Variants in SGCD observed in about 807,000 individuals in gnomAD.
SGCD encodes sarcoglycan delta.
SGCD carries 18 observed loss-of-function variants against 36.6 expected under a neutral mutation model. The ratio of observed to expected loss-of-function variants is 0.49; its 90% confidence interval spans 0.34 to 0.73. SGCD has a LOEUF of 0.73. Among genes scored for constraint, SGCD ranks in the 30% least tolerant of loss-of-function variants. The probability of loss-of-function intolerance (pLI) is 0.01; values close to 1 mark genes in which losing one functional copy is unlikely to be tolerated. For missense variants in SGCD, 387 were observed against 346.7 expected (o/e 1.12, Z -0.92); for synonymous variants, 133 against 130.6 (o/e 1.02, Z -0.12).
rs1368318086 is a variant in SGCD at position 156,664,362 on chromosome 5, G to A, written c.575+16826G>A. On this transcript the variant is annotated intron_variant, in intron 7 of 8. Transcript: ENST00000337851. ...CCATCAACTCCACTATGACCTTACC[G>A]GCTTTTTCATCGGCAATTGACTTTT... Among the ~76,000 whole-genome samples the A allele has an allele frequency of 1.3e-4, 20 of 149,390 alleles. No homozygotes were observed. The East Asian group carries it at 2.7e-3, about 20-fold the overall frequency.
At chr5:156,330,662 G>A (rs4704791) in intron 2 of SGCD, among the ~76,000 whole-genome samples, 122,718 of 152,158 alleles carry the variant, frequency 0.81, 50,080 homozygotes, top group African/African-American at 0.93. Flanking sequence ...GGCTCCTTGA[G>A]CTCAACTTAG....
intron 3 of SGCD, among the ~76,000 whole-genome samples, chr5:156,262,305 G>T (rs780616509): frequency 6.6e-6 from 1 of 151,982 alleles, no homozygotes; most frequent in Non-Finnish European, 1.5e-5. Flanking sequence ...ATATGTTTAG[G>T]TACATAAATT....
At chr5:155,741,896 G>C in the SGCD span, among the ~76,000 whole-genome samples, 1 of 151,976 alleles carries the variant, frequency 6.6e-6, no homozygotes, top group South Asian at 2.1e-4. Context: ...TGTTGCCCAG[G>C]CTGGTGTCGA....
At chr5:156,580,082 T>C (rs1760181887) in intron 4 of SGCD, among the ~76,000 whole-genome samples, 1 of 152,236 alleles carries the variant, frequency 6.6e-6, no homozygotes, top group African/African-American at 2.4e-5. Flanking sequence ...TAGTGCTTCC[T>C]TCAGGAGCTC....
intron 3 of SGCD, among the ~76,000 whole-genome samples, chr5:156,421,865 G>A (rs1320299443): frequency 1.3e-5 from 2 of 151,998 alleles, no homozygotes; most frequent in Non-Finnish European, 1.5e-5. Context: ...AGCCTTTACC[G>A]GGCATGGCAT....
At chr5:155,979,985 A>G (rs1758194350) in intron 1 of SGCD, among the ~76,000 whole-genome samples, 1 of 152,114 alleles carries the variant, frequency 6.6e-6, no homozygotes, top group Non-Finnish European at 1.5e-5. Context: ...TTCCACCTTC[A>G]TGACCTAATC....
intron 3 of SGCD, among the ~76,000 whole-genome samples, chr5:156,306,955 C>A (rs1232757247): frequency 6.6e-6 from 1 of 150,418 alleles, no homozygotes; most frequent in Non-Finnish European, 1.5e-5. Context: ...TTTGTGAATT[C>A]TTTTGAATTA....
chr5:156,479,870 T>C (rs1755347248), intron 3 of SGCD, among the ~76,000 whole-genome samples: 1 of 152,200 alleles, frequency 6.6e-6, no homozygotes, highest in Non-Finnish European at 1.5e-5. Flanking sequence ...CTCTTGGTTC[T>C]TCCAACACTT....
At chr5:156,328,980 G>C (rs1023391751) in intron 1 of SGCD, among the ~76,000 whole-genome samples, 1 of 152,158 alleles carries the variant, frequency 6.6e-6, no homozygotes, top group Admixed American at 6.5e-5. Flanking sequence ...TCTATATTTA[G>C]CGTGCGTCAA....
intron 3 of SGCD, among the ~76,000 whole-genome samples, chr5:156,239,224 AC>A (rs1213394688): frequency 6.6e-6 from 1 of 151,902 alleles, no homozygotes; most frequent in African/African-American, 2.4e-5. Flanking sequence ...ACATGGCGAA[AC>A]CCCATCTCTA....
chr5:156,296,073 G>A (rs1387493712), intron 3 of SGCD, among the ~76,000 whole-genome samples: 2 of 152,196 alleles, frequency 1.3e-5, no homozygotes, highest in African/African-American at 4.8e-5. Context: ...TGCTCAAACT[G>A]ATTTCTCATG....
chr5:156,045,837 AG>A (rs1759751628), intron 1 of SGCD, among the ~76,000 whole-genome samples: 1 of 152,140 alleles, frequency 6.6e-6, no homozygotes, highest in African/African-American at 2.4e-5. Context: ...ACTTCCTTAG[AG>A]GCCCCCCTCC....
chr5:156,437,986 G>C (rs1580992745), intron 3 of SGCD, among the ~76,000 whole-genome samples: 2 of 152,134 alleles, frequency 1.3e-5, no homozygotes, highest in South Asian at 2.1e-4. Context: ...TACATTTAGA[G>C]GGATTGAAGG....
At chr5:156,523,285 A>G (rs78667023) in intron 4 of SGCD, among the ~76,000 whole-genome samples, 33,224 of 152,086 alleles carry the variant, frequency 0.22, 4,554 homozygotes, top group Non-Finnish European at 0.31. Flanking sequence ...TACACGTGGC[A>G]ATTTCCCTCT....
At chr5:155,770,407 A>G in the SGCD span, among the ~76,000 whole-genome samples, 1,509 of 152,276 alleles carry the variant, frequency 9.9e-3, 5 homozygotes, top group Non-Finnish European at 0.014. Context: ...AAGATGGAAT[A>G]TCGCATAGAA....
chr5:155,906,231 TC>T (rs1756509088), intron 1 of SGCD, among the ~76,000 whole-genome samples: 1 of 152,144 alleles, frequency 6.6e-6, no homozygotes, highest in Non-Finnish European at 1.5e-5. Flanking sequence ...TTCTGACTGC[TC>T]CACCTGCAGG....
At chr5:156,628,239 G>T (rs561806959) in intron 6 of SGCD, among the ~76,000 whole-genome samples, 3 of 152,286 alleles carry the variant, frequency 2.0e-5, no homozygotes, top group Non-Finnish European at 4.4e-5. Context: ...TCAACCCCAT[G>T]ATCCAGGCAC....
At chr5:155,937,969 G>A (rs147561126) in intron 1 of SGCD, among the ~76,000 whole-genome samples, 3 of 152,324 alleles carry the variant, frequency 2.0e-5, no homozygotes, top group Admixed American at 1.3e-4. Flanking sequence ...ACCTAGTCAG[G>A]ATTTGAACCC....
chr5:156,026,770 A>G (rs1481021900), intron 1 of SGCD, among the ~76,000 whole-genome samples: 3 of 152,212 alleles, frequency 2.0e-5, no homozygotes, highest in African/African-American at 7.2e-5. Context: ...TCCATAGATC[A>G]TGGAATATGG....
Sources: allele counts gnomAD v4.1 joint callset (sites outside exome capture counted in the v4.1 genomes callset), GRCh38; gene constraint gnomAD v4.1.1; transcripts MANE v1.5; gene names NCBI Gene and HGNC (gene_info 2026-07-23, HGNC 2026-07-21).